Variants in KDM1B observed in about 807,000 individuals in gnomAD.
KDM1B encodes the protein lysine-specific histone demethylase 2.
KDM1B carries 63 observed loss-of-function variants against 107.4 expected under a neutral mutation model. The observed-to-expected ratio is 0.59, with a 90% CI of 0.48 to 0.72. The LOEUF (loss-of-function observed/expected upper bound fraction) is 0.72, where lower values mean the gene tolerates loss of function less well. Ranked by LOEUF, KDM1B falls within the 30% of genes least tolerant of loss-of-function variation. The pLI, the probability that KDM1B is intolerant of heterozygous loss-of-function variation, is 0.00. For synonymous variants in KDM1B, 363 were observed against 363.9 expected (o/e 1.00, Z 0.03); for missense variants, 749 against 1,020.8 (o/e 0.73, Z 3.63).
At chr6:18,215,157 G>T in intron 20 of KDM1B, 28 bp downstream of exon 20, 2 of 1,602,388 alleles carry the variant, frequency 1.2e-6, no homozygotes. Flanking sequence ...CTCCTTGAAA[G>T]GGGCAAGCCG....
chr6:18,160,735 C>A (rs1784913390), intron 3 of KDM1B, among the ~76,000 whole-genome samples: 1 of 121,960 alleles, frequency 8.2e-6, no homozygotes, highest in East Asian at 2.9e-4. Context: ...GAGACTCTGT[C>A]TCAAAAAAAA....
chr6:18,221,963 C>T lies in KDM1B; in HGVS notation c.2440C>T (p.Arg814Ter). Reference sequence around the variant, plus strand: ...TACAGGGGCATATTTGAGTGGCGTTCGAGAAGCAAGCAAGATTGCAGCATT... The same window carrying T: ...TACAGGGGCATATTTGAGTGGCGTTTGAGAAGCAAGCAAGATTGCAGCATT... ...TVTGAYLSGV[R>*]EASKIAAF Residue 814 changes from arginine to a stop codon, truncating the protein, a stop_gained, in exon 22 of 22, where the codon CGA becomes TGA. Transcript: ENST00000650836. LOFTEE classifies it high-confidence loss of function. 1.2e-6 allele frequency: 2 copies of T among 1,613,878 alleles called. No homozygotes were observed. The highest frequency in any genetic ancestry group is 8.5e-7 in the Non-Finnish European group (1 of 1,179,880).
rs181357486 is a variant in KDM1B at position 18,158,591 on chromosome 6, G to A, written c.-13-1292G>A. On this transcript the variant is annotated intron_variant, in intron 2 of 21. Coordinates refer to ENST00000650836, the MANE Select transcript of KDM1B (RefSeq NM_001364614.2). ...TCCACTTTCAAATTCTTTATCCATA[G>A]GTATGTCCTATTTATTTTTCATTTA... Among the ~76,000 whole-genome samples the A allele has an allele frequency of 1.9e-4, 29 of 152,068 alleles. No homozygotes were observed. The East Asian group carries it at 3.9e-3, about 20-fold the overall frequency.
chr6:18,165,726 G>A (rs1464326207), intron 5 of KDM1B, among the ~76,000 whole-genome samples: 3 of 152,184 alleles, frequency 2.0e-5, no homozygotes. Flanking sequence ...GGAGGTTGAG[G>A]CATAAGAATC....
chr6:18,215,133 A>T lies in KDM1B; in HGVS notation c.2232+4A>T, dbSNP rs951387031. 6.2e-7 allele frequency: 1 copy of T among 1,610,136 alleles called. No individual in the cohort carries two copies. The highest frequency in any genetic ancestry group is 8.5e-7 in the Non-Finnish European group (1 of 1,179,030). ...CCGGGAGCTGTTCAAGGAGCAGGTG[A>T]GAGAGAGGAAGCCCTCCTTGAAAGG... is the stretch of plus-strand genomic sequence containing the variant. On this transcript the variant is annotated splice_donor_region_variant and intron_variant, in intron 20 of 21. Coordinates refer to ENST00000650836, the MANE Select transcript of KDM1B (RefSeq NM_001364614.2).
At position 18,207,545 on chromosome 6, in the gene KDM1B, TG is replaced by T; in HGVS notation, c.1791+19del. 6.2e-7 allele frequency: 1 copy of T among 1,613,780 alleles called. No homozygotes were observed. The highest frequency in any genetic ancestry group is 8.5e-7 in the Non-Finnish European group (1 of 1,179,646). ...CAAATCTCCAGTGAGTATCAACTGC[TG>T]GGAGGCTCTGGCTCGCCTTGTTTGG... On this transcript the variant is annotated intron_variant, in intron 16 of 21. Coordinates refer to ENST00000650836, the MANE Select transcript of KDM1B (RefSeq NM_001364614.2).
chr6:18,207,363 A>T (rs1788452598), intron 15 of KDM1B, 35 bp from the exon 16 acceptor site: 1 of 1,611,068 alleles, frequency 6.2e-7, no homozygotes, highest in African/African-American at 1.3e-5. Context: ...ACAAGGATTT[A>T]CACTGCTGTG....
Position 18,219,417 on chromosome 6 carries a change from C to G in KDM1B, c.2385+1532C>G, listed in dbSNP as rs957224429. Among the ~76,000 whole-genome samples the G allele has an allele frequency of 5.3e-5, 8 of 151,924 alleles. No individual in the cohort carries two copies. In the East Asian group the frequency reaches 1.2e-3, roughly 22 times the overall value. On this transcript the variant is annotated intron_variant, in intron 21 of 21. Coordinates refer to ENST00000650836, the MANE Select transcript of KDM1B (RefSeq NM_001364614.2). ...CTTTTGAATTGAGCATCTAATTTTTCCTCTTTACTATTATTCATCTCTTAT... is the reference window on the plus strand; with the variant it reads ...CTTTTGAATTGAGCATCTAATTTTTGCTCTTTACTATTATTCATCTCTTAT...
At chr6:18,170,314 G>T (rs1785572123) in intron 6 of KDM1B, among the ~76,000 whole-genome samples, 1 of 152,140 alleles carries the variant, frequency 6.6e-6, no homozygotes, top group Non-Finnish European at 1.5e-5. Context: ...ATTTGTCAAA[G>T]TAAGAAATTA....
chr6:18,181,330 G>A (rs1056589008), intron 7 of KDM1B, among the ~76,000 whole-genome samples: 2 of 152,050 alleles, frequency 1.3e-5, no homozygotes, highest in African/African-American at 4.8e-5. Flanking sequence ...TTCTAAGTTG[G>A]TTGTGTTTAA....
rs1002936703 is a variant in KDM1B, at chr6:18,210,531, A to ATT, written c.1867-1948_1867-1947dup. Among the ~76,000 whole-genome samples the ATT allele has an allele frequency of 4.7e-3, 685 of 147,280 alleles. 6 individuals carry two copies. The highest frequency in any genetic ancestry group is 0.016 in the African/African-American group (660 of 40,434). On this transcript the variant is annotated intron_variant, in intron 17 of 21. Coordinates refer to ENST00000650836, the MANE Select transcript of KDM1B (RefSeq NM_001364614.2). ...TGCCACCACACTCAGCTAATTAAAAATTTTTTTTTTGTAGAGACAGTGTTT... is the reference window on the plus strand; with the variant it reads ...TGCCACCACACTCAGCTAATTAAAAATTTTTTTTTTTTGTAGAGACAGTGTTT...
chr6:18,168,671 A>C (rs1785472555), intron 6 of KDM1B, among the ~76,000 whole-genome samples: 1 of 133,738 alleles, frequency 7.5e-6, no homozygotes, highest in Admixed American at 7.5e-5. Context: ...TGGGACCTCA[A>C]ACTCTTTTCC....
rs536087624 is a variant in KDM1B, at chr6:18,186,097, G to C, written c.573+287G>C. On this transcript the variant is annotated intron_variant, in intron 8 of 21. Transcript: ENST00000650836. The surrounding 1 kb of genome is among the most constrained non-coding windows in gnomAD (Gnocchi z 5.6). Reference sequence around the variant, plus strand: ...CCTTGCTCTAGGGCTCAGGCTTGCTGTACTTGTTTTTCAAGGATGACTTTG... The same window carrying C: ...CCTTGCTCTAGGGCTCAGGCTTGCTCTACTTGTTTTTCAAGGATGACTTTG... Among the ~76,000 whole-genome samples the C allele has an allele frequency of 7.2e-5, 11 of 152,296 alleles. No homozygotes were observed. Among genetic ancestry groups the C allele is most frequent in the Non-Finnish European group, 1.5e-4 (10 of 68,022 alleles).
rs1787733987 is a variant in KDM1B at position 18,197,642 on chromosome 6, T to G, written c.1202T>G (p.Leu401Arg). The change falls in exon 12 of 22, where the codon CTG becomes CGG. Residue 401 changes from leucine (L) to arginine (R), a missense_variant. By Grantham distance (102) the Leu-to-Arg change is moderately radical (BLOSUM62 -2). Transcript: ENST00000650836. The surrounding 1 kb of genome is among the most constrained non-coding windows in gnomAD (Gnocchi z 4.5). ...GPAGLAAARQ[L>R]HNFGIKVTVL... ...GCAGGATTAGCAGCTGCTAGGCAACTGCATAACTTTGGAATTAAGGTAGGA... is the reference window on the plus strand; with the variant it reads ...GCAGGATTAGCAGCTGCTAGGCAACGGCATAACTTTGGAATTAAGGTAGGA... 1 of 1,613,860 alleles carries G rather than the reference T, an allele frequency of 6.2e-7. No homozygotes were observed. The highest frequency in any genetic ancestry group is 1.1e-5 in the South Asian group (1 of 91,062).
At chr6:18,178,105 C>T (rs576132366) in intron 7 of KDM1B, among the ~76,000 whole-genome samples, 78 of 152,078 alleles carry the variant, frequency 5.1e-4, no homozygotes, top group Middle Eastern at 3.4e-3. Flanking sequence ...TTGTTTTGGA[C>T]GGAGTCTCAC....
chr6:18,207,664 T>A (rs1327672248), intron 16 of KDM1B, 135 bp downstream of exon 16: 16 of 1,009,704 alleles, frequency 1.6e-5, no homozygotes, highest in Non-Finnish European at 2.4e-5. Flanking sequence ...TTGTGGCTCA[T>A]TCGTAGCCTG....
Position 18,179,888 on chromosome 6 carries a change from G to T in KDM1B, c.535-5884G>T, listed in dbSNP as rs114503632. On this transcript the variant is annotated intron_variant, in intron 7 of 21. Transcript: ENST00000650836. ...TTTTTTTTTTTTTTTTCATAAGGCA[G>T]GGTCTCACTCTGTCTCCCAGGCCAG... 5.2e-3 allele frequency among the ~76,000 whole-genome samples: 689 copies of T among 131,612 alleles called. 5 individuals are homozygous for T. The highest frequency in any genetic ancestry group is 0.019 in the African/African-American group (655 of 33,714). 86.3% of individuals were successfully genotyped at this position (131,612 alleles called of 152,430 possible).
intron 7 of KDM1B, among the ~76,000 whole-genome samples, chr6:18,175,301 A>G (rs1047384124): frequency 5.3e-5 from 8 of 152,128 alleles, no homozygotes; most frequent in Non-Finnish European, 2.9e-5. Context: ...AGAATTGTCT[A>G]TTCATATCCT....
chr6:18,219,868 T>TTAG (rs1789544522), intron 21 of KDM1B, among the ~76,000 whole-genome samples: 1 of 152,240 alleles, frequency 6.6e-6, no homozygotes, highest in African/African-American at 2.4e-5. Context: ...AGCTTCATTG[T>TTAG]TAGTTATGAA....
Sources: gnomAD v4.1 joint callset for allele counts (sites outside exome capture counted in the v4.1 genomes callset) on GRCh38, gnomAD v4.1.1 for gene constraint, Gnocchi (gnomAD v3.1) non-coding constraint, MANE v1.5 for transcripts, NCBI Gene and HGNC (gene_info 2026-07-23, HGNC 2026-07-21) for gene names.